The following GLT8D2 variants were observed in gnomAD, a reference collection of about 807,000 sequenced individuals.
GLT8D2 encodes the protein glycosyltransferase 8 domain containing 2.
In GLT8D2, 45 loss-of-function variants were observed where a neutral mutation model predicts 44.5. The ratio of observed to expected loss-of-function variants is 1.01; its 90% CI spans 0.80 to 1.30. The LOEUF (loss-of-function observed/expected upper bound fraction) is 1.30, where lower values mean the gene tolerates loss of function less well. GLT8D2 is among the 50% of genes most tolerant of loss of function. The probability of loss-of-function intolerance (pLI) is 0.00; values close to 1 mark genes in which losing one functional copy is unlikely to be tolerated. For missense variants in GLT8D2, 400 were observed against 430.4 expected, an observed-to-expected ratio of 0.93 and a Z score of 0.62; for synonymous variants, 156 against 157.2, an observed-to-expected ratio of 0.99 and a Z score of 0.06.
rs918287335 is a variant in GLT8D2 at position 103,989,254 on chromosome 12, G to A, written c.*154C>T. ...TAAAGAAGTTAATCAATGCCTATAT[G>A]GTCCAAGGTATAATTTGCACACAGT... On this transcript the variant is annotated 3_prime_UTR_variant, in exon 11 of 11. Transcript: ENST00000360814. 5 of 536,208 alleles carry A rather than the reference G, an allele frequency of 9.3e-6. No individual in the cohort carries two copies. Among genetic ancestry groups the A allele is most frequent in the African/African-American group, 7.7e-5 (4 of 52,176 alleles). The allele number at this position is 536,208 out of a possible 1,614,324, so 33.2% of individuals were successfully genotyped here.
intron 1 of GLT8D2, among the ~76,000 whole-genome samples, chr12:104,046,659 G>C (rs1881180499): frequency 6.6e-6 from 1 of 152,188 alleles, no homozygotes; most frequent in Non-Finnish European, 1.5e-5. Context: ...AGCTATGCAA[G>C]CTACAAAGTC....
Position 104,003,119 on chromosome 12 carries a change from G to A in GLT8D2, c.284+16C>T, listed in dbSNP as rs775624467. ...AAGGAAACAGAAAGTGCCAAAGTCT[G>A]TAAGACATAACTTACCGTATTCGAG... On this transcript the variant is annotated intron_variant, in intron 5 of 10. Coordinates refer to ENST00000360814, the MANE Select transcript of GLT8D2 (RefSeq NM_001384711.1). 1.9e-6 allele frequency: 3 copies of A among 1,608,268 alleles called. No homozygotes were observed. The highest frequency in any genetic ancestry group is 1.1e-5 in the South Asian group (1 of 90,922).
intron 3 of GLT8D2, among the ~76,000 whole-genome samples, chr12:104,015,393 A>ACACACACACAC (rs565529120): frequency 1.6e-5 from 2 of 126,100 alleles, no homozygotes; most frequent in Non-Finnish European, 3.2e-5. Flanking sequence ...AACAACAACA[A>ACACACACACAC]ACACACACAC....
intron 1 of GLT8D2, chr12:104,030,638 C>A: frequency 7.7e-7 from 1 of 1,294,490 alleles, no homozygotes; most frequent in Non-Finnish European, 1.1e-6. Context: ...AAACCATATA[C>A]CTGATAAGAA....
intron 1 of GLT8D2, among the ~76,000 whole-genome samples, chr12:104,044,081 AAGTCATTACAG>A (rs1880841548): frequency 6.6e-6 from 1 of 152,210 alleles, no homozygotes; most frequent in Admixed American, 6.5e-5. Context: ...GCAAAAACCA[AAGTCATTACAG>A]CATCCTTCCA....
chr12:104,015,437 A>ACACACACACACAC (rs1373206430), intron 3 of GLT8D2, among the ~76,000 whole-genome samples: 2 of 80,924 alleles, frequency 2.5e-5, no homozygotes, highest in African/African-American at 7.1e-5. Context: ...CACACACACA[A>ACACACACACACAC]ATTAGCTGGG....
rs1274789738 is a variant in GLT8D2, at chr12:103,989,034, A to T, written c.*374T>A. The T allele has an allele frequency of 6.4e-6, 1 of 155,980 alleles. No homozygotes were observed. Among genetic ancestry groups the T allele is most frequent in the African/African-American group, 2.4e-5 (1 of 41,622 alleles). The allele number at this position is 155,980 out of a possible 1,614,324, so 9.7% of individuals were successfully genotyped here. A position where few individuals can be genotyped will look rare whatever the true frequency, so the allele number is the denominator to read the frequency against. On this transcript the variant is annotated 3_prime_UTR_variant, in exon 11 of 11. Coordinates refer to ENST00000360814, the MANE Select transcript of GLT8D2 (RefSeq NM_001384711.1). ...TTTCAGACGTCCATATTTTAAATGT[A>T]ATAGTTTTATAAAAGAAAAGGTTGG...
chr12:104,006,804 A>G (rs1485590), intron 4 of GLT8D2, among the ~76,000 whole-genome samples: 4 of 152,216 alleles, frequency 2.6e-5, no homozygotes, highest in Non-Finnish European at 5.9e-5. Context: ...TCATAACACA[A>G]AATCTATTAT....
At chr12:104,023,928 T>C (rs937362590) in intron 1 of GLT8D2, among the ~76,000 whole-genome samples, 1 of 152,236 alleles carries the variant, frequency 6.6e-6, no homozygotes, top group African/African-American at 2.4e-5. Context: ...GTTTATCCAT[T>C]CACCCACTGA....
chr12:104,044,064 T>A (rs1267182119), intron 1 of GLT8D2, among the ~76,000 whole-genome samples: 1 of 152,178 alleles, frequency 6.6e-6, no homozygotes, highest in Admixed American at 6.5e-5. Context: ...TTCCTGTCTC[T>A]CTCAGAGCAA....
intron 3 of GLT8D2, among the ~76,000 whole-genome samples, chr12:104,016,418 C>T (rs1227672877): frequency 1.3e-5 from 2 of 152,034 alleles, no homozygotes; most frequent in African/African-American, 4.8e-5. Context: ...AGGTGGATCA[C>T]TGGAGGCCAG....
At chr12:104,005,691 T>A (rs1874898149) in intron 4 of GLT8D2, among the ~76,000 whole-genome samples, 1 of 152,158 alleles carries the variant, frequency 6.6e-6, no homozygotes, top group South Asian at 2.1e-4. Context: ...AGATACCATC[T>A]CACACCAGTT....
chr12:104,041,729 T>A (rs945096214), intron 1 of GLT8D2, among the ~76,000 whole-genome samples: 13 of 152,124 alleles, frequency 8.5e-5, no homozygotes, highest in Non-Finnish European at 1.3e-4. Flanking sequence ...GCACTAGAGA[T>A]TCAAAGATAA....
intron 4 of GLT8D2, among the ~76,000 whole-genome samples, chr12:104,004,207 T>C (rs1165673521): frequency 6.6e-6 from 1 of 152,138 alleles, no homozygotes; most frequent in African/African-American, 2.4e-5. Context: ...TCTCAATAAA[T>C]TAGGCATTGA....
At chr12:104,002,416 A>G (rs577608023) in intron 5 of GLT8D2, among the ~76,000 whole-genome samples, 13 of 152,340 alleles carry the variant, frequency 8.5e-5, no homozygotes, top group South Asian at 2.1e-4. Flanking sequence ...TGTTAAAAAT[A>G]CTTGGTCCTA....
chr12:104,006,339 C>A (rs1875009517), intron 4 of GLT8D2, among the ~76,000 whole-genome samples: 1 of 152,068 alleles, frequency 6.6e-6, no homozygotes, highest in South Asian at 2.1e-4. Context: ...AACAAACCTG[C>A]ACATTGTGCA....
chr12:103,995,285 G>C (rs1458763838), intron 8 of GLT8D2, among the ~76,000 whole-genome samples: 1 of 152,108 alleles, frequency 6.6e-6, no homozygotes, highest in Non-Finnish European at 1.5e-5. Context: ...TTCCTAAAAT[G>C]GCCTGCCATA....
In GLT8D2 at chr12:104,040,081, G is replaced by A. The variant is rs528994365; in HGVS notation, c.-164+9814C>T. ...AACACTGCATGTTCTCTCACTCATG[G>A]GTGGGAATTAAACAATAAGAACACT... On this transcript the variant is annotated intron_variant, in intron 1 of 10. Transcript: ENST00000360814. 3.0e-4 allele frequency among the ~76,000 whole-genome samples: 46 copies of A among 152,212 alleles called. No individual in the cohort carries two copies. In the South Asian group the frequency reaches 4.6e-3, roughly 15 times the overall value.
intron 4 of GLT8D2, among the ~76,000 whole-genome samples, chr12:104,012,203 T>C (rs1383506095): frequency 1.4e-5 from 2 of 144,120 alleles, no homozygotes; most frequent in African/African-American, 5.1e-5. Flanking sequence ...TATATATATA[T>C]ATATATATAC....
Sources: allele counts gnomAD v4.1 joint callset (sites outside exome capture counted in the v4.1 genomes callset), GRCh38; gene constraint gnomAD v4.1.1; transcripts MANE v1.5; gene names NCBI Gene and HGNC (gene_info 2026-07-23, HGNC 2026-07-21).